VMO1: variants seen among roughly 807,000 people sequenced by gnomAD.
VMO1 encodes vitelline membrane outer layer protein 1 homolog.
A neutral mutation model predicts 10.1 loss-of-function variants in VMO1; 13 were observed. The observed-to-expected ratio is 1.29, with a 90% confidence interval of 0.84 to 2.05. VMO1 has a LOEUF of 2.05. VMO1 is among the 30% of genes most tolerant of loss of function. VMO1 has a pLI of 0.00. For synonymous variants in VMO1, 117 were observed against 122.2 expected (o/e 0.96, Z 0.28); for missense variants, 304 against 276.9 (o/e 1.10, Z -0.70).
In VMO1 at chr17:4,786,308, A is replaced by AAGCAGC. The variant is rs780684668; in HGVS notation, c.39_44dup (p.Leu15_Leu16dup). On this transcript the variant is annotated inframe_insertion, in exon 1 of 3. Transcript: ENST00000328739. ...CACATGTGAAACCAGTCGCCCGCAG[A>AAGCAGC]AGCAGCAGCAGCGGCAGCAGCTTGG... 2 of 1,604,424 alleles carry AAGCAGC rather than the reference A, an allele frequency of 1.2e-6. No homozygotes were observed. The highest frequency in any genetic ancestry group is 2.7e-5 in the African/African-American group (2 of 74,934).
intron 1 of VMO1, 46 bp from the exon 2 acceptor site, chr17:4,786,098 C>T (rs1917482426): frequency 6.2e-7 from 1 of 1,613,466 alleles, no homozygotes; most frequent in Non-Finnish European, 8.5e-7. Flanking sequence ...GAATTATCAT[C>T]CTTGGCTCTA....
rs991893715 is a variant in VMO1, at chr17:4,785,963, C to A, written c.285G>T (p.Thr95=). 6.2e-7 allele frequency: 1 copy of A among 1,614,136 alleles called. No homozygotes were observed. Among genetic ancestry groups the A allele is most frequent in the South Asian group, 1.1e-5 (1 of 91,074 alleles). ...TTCCAGACTGGGACTCTACCACGTG[C>A]GTATTGCCTAGGACGTTCCCGCGCG... is the stretch of plus-strand genomic sequence containing the variant. ...HCARGNVLGN[T]HVVESQSGSW... The change falls in exon 2 of 3, where the codon ACG becomes ACT. Residue 95 remains threonine (T), a synonymous_variant. Transcript: ENST00000328739.
rs759321553 is a variant in VMO1 at position 4,785,313 on chromosome 17, G to A, written c.*49C>T. On this transcript the variant is annotated 3_prime_UTR_variant, in exon 3 of 3. Transcript: ENST00000328739. ...ACTCAGAGAAGCTTTAATAGCAAGA[G>A]GTGGGACTAGCCTCCTGGCCCGGGA... 6.4e-7 allele frequency: 1 copy of A among 1,551,356 alleles called. No individual in the cohort carries two copies. Among genetic ancestry groups the A allele is most frequent in the Non-Finnish European group, 8.7e-7 (1 of 1,152,642 alleles).
chr17:4,786,108 A>T (rs551399334), intron 1 of VMO1, 50 bp downstream of exon 1: 2 of 1,612,674 alleles, frequency 1.2e-6, no homozygotes, highest in South Asian at 2.2e-5. Flanking sequence ...CCTTGGCTCT[A>T]TGGTCCCACG....
chr17:4,785,922 A>G lies in VMO1; in HGVS notation c.311+15T>C. The G allele has an allele frequency of 6.2e-7, 1 of 1,613,934 alleles. No homozygotes were observed. The highest frequency in any genetic ancestry group is 8.5e-7 in the Non-Finnish European group (1 of 1,179,982). ...ATACCATCACCCCAAGGGATCCTCG[A>G]CCCCTGCGCCCCACCTTCCAGACTG... is the stretch of plus-strand genomic sequence containing the variant. On this transcript the variant is annotated intron_variant, in intron 2 of 2. Transcript: ENST00000328739.
At position 4,786,161 on chromosome 17, in the gene VMO1, G is replaced by A. The variant is rs760494198; in HGVS notation, c.192C>T (p.Leu64=). 11 of 1,603,024 alleles carry A rather than the reference G, an allele frequency of 6.9e-6. No homozygotes were observed. Among genetic ancestry groups the A allele is most frequent in the Admixed American group, 3.4e-5 (2 of 59,506 alleles). The change falls in exon 1 of 3, where the codon CTC becomes CTT. Residue 64 remains leucine, a synonymous_variant. Transcript: ENST00000328739. ...PDGFFASGFS[L]KVEPPQGIPG... ...GGACCTACGCCTGAGCCCCAACCTT[G>A]AGCGAGAACCCGCTGGCGAAGAATC...
At position 4,785,334 on chromosome 17, in the gene VMO1, C is replaced by G. The variant is rs562567490; in HGVS notation, c.*28G>C. ...AAGAGGTGGGACTAGCCTCCTGGCC[C>G]GGGAGAGAGCGGCGGCGGCGGCGCC... is the stretch of plus-strand genomic sequence containing the variant. On this transcript the variant is annotated 3_prime_UTR_variant, in exon 3 of 3. Transcript: ENST00000328739. 6 of 1,589,092 alleles carry G rather than the reference C, an allele frequency of 3.8e-6. No homozygotes were observed. The Admixed American group carries it at 5.2e-5, about 14-fold the overall frequency.
chr17:4,786,319 G>C lies in VMO1; in HGVS notation c.34C>G (p.Leu12Val), dbSNP rs754321499. Residue 12 changes from leucine (L) to valine (V), a missense_variant, in exon 1 of 3, where the codon CTG becomes GTG. Coordinates refer to ENST00000328739, the MANE Select transcript of VMO1 (RefSeq NM_182566.3). ...CCAGTCGCCCGCAGAAGCAGCAGCA[G>C]CGGCAGCAGCTTGGCTCCTGCGCCC... ...ERGAGAKLLPLLLLLRATGFT... is the reference protein window; with the variant it reads ...ERGAGAKLLPVLLLLRATGFT... 6.3e-7 allele frequency: 1 copy of C among 1,597,284 alleles called. No individual in the cohort carries two copies. The highest frequency in any genetic ancestry group is 1.1e-5 in the South Asian group (1 of 90,048).
Position 4,786,247 on chromosome 17 carries a change from T to C in VMO1, c.106A>G (p.Ile36Val), listed in dbSNP as rs1038787217. Residue 36 changes from isoleucine to valine, a missense_variant, in exon 1 of 3, where the codon ATC becomes GTC. Transcript: ENST00000328739. ...TDGRNGYTAV[I>V]EVTSGGPWGD... Reference sequence around the variant, plus strand: ...CAGGGACCCCCGCTGGTCACTTCGATGACCGCCGTGTAGCCGTTCCGGCCA... The same window carrying C: ...CAGGGACCCCCGCTGGTCACTTCGACGACCGCCGTGTAGCCGTTCCGGCCA... The C allele has an allele frequency of 8.7e-6, 14 of 1,612,254 alleles. No homozygotes were observed. The Admixed American group carries it at 1.3e-4, about 15-fold the overall frequency.
At chr17:4,785,892 G>A (rs777436059) in intron 2 of VMO1, 45 bp downstream of exon 2, 3 of 1,586,860 alleles carry the variant, frequency 1.9e-6, no homozygotes, top group South Asian at 1.1e-5. Context: ...TAGAGGGTAA[G>A]GGACATACCA....
Position 4,785,303 on chromosome 17 carries a change from A to T in VMO1, c.*59T>A. On this transcript the variant is annotated 3_prime_UTR_variant, in exon 3 of 3. Transcript: ENST00000328739. ...ACCAAAGTCAACTCAGAGAAGCTTT[A>T]ATAGCAAGAGGTGGGACTAGCCTCC... The T allele has an allele frequency of 6.5e-7, 1 of 1,530,530 alleles. No individual in the cohort carries two copies. Among genetic ancestry groups the T allele is most frequent in the Non-Finnish European group, 8.7e-7 (1 of 1,144,704 alleles). The allele number at this position is 1,530,530 out of a possible 1,614,324, so 94.8% of individuals were successfully genotyped here.
chr17:4,785,828 T>C, intron 2 of VMO1, 109 bp downstream of exon 2: 1 of 1,563,534 alleles, frequency 6.4e-7, no homozygotes, highest in South Asian at 1.1e-5. Context: ...CCCCGGTCTA[T>C]ACTGCCCCGT....
intron 2 of VMO1, 36 bp downstream of exon 2, chr17:4,785,901 C>G: frequency 6.7e-7 from 1 of 1,503,596 alleles, no homozygotes; most frequent in Middle Eastern, 1.7e-4. Flanking sequence ...AGGGACATAC[C>G]ATCACCCCAA....
Position 4,785,972 on chromosome 17 carries a change from T to C in VMO1, c.276A>G (p.Leu92=), listed in dbSNP as rs1261717767. The change falls in exon 2 of 3, where the codon CTA becomes CTG. Residue 92 remains leucine (L), a synonymous_variant. Coordinates refer to ENST00000328739, the MANE Select transcript of VMO1 (RefSeq NM_182566.3). ...GGGACTCTACCACGTGCGTATTGCC[T>C]AGGACGTTCCCGCGCGCGCAGTGCA... ...IRLHCARGNV[L]GNTHVVESQS... 1 of 1,614,142 alleles carries C rather than the reference T, an allele frequency of 6.2e-7. No homozygotes were observed. The highest frequency in any genetic ancestry group is 8.5e-7 in the Non-Finnish European group (1 of 1,180,030).
At position 4,785,571 on chromosome 17, in the gene VMO1, C is replaced by T; in HGVS notation, c.400G>A (p.Gly134Ser). ...SLRVEAPTTL[G>S]DNTAANNVRF... ...ACGTTGTTCGCTGCTGTGTTGTCAC[C>T]GAGGGTCGTGGGTGCCTCCACGCGA... The change falls in exon 3 of 3, where the codon GGT becomes AGT. Residue 134 changes from glycine to serine, a missense_variant. Physicochemically the swap from Gly to Ser is moderately conservative, Grantham distance 56. Coordinates refer to ENST00000328739, the MANE Select transcript of VMO1 (RefSeq NM_182566.3). 1 of 1,614,000 alleles carries T rather than the reference C, an allele frequency of 6.2e-7. No homozygotes were observed. Among genetic ancestry groups the T allele is most frequent in the East Asian group, 2.2e-5 (1 of 44,886 alleles).
At position 4,786,231 on chromosome 17, in the gene VMO1, C is replaced by T. The variant is rs1917488940; in HGVS notation, c.122G>A (p.Gly41Glu). 2 of 1,612,558 alleles carry T rather than the reference C, an allele frequency of 1.2e-6. No homozygotes were observed. The highest frequency in any genetic ancestry group is 2.7e-5 in the African/African-American group (2 of 75,050). The change falls in exon 1 of 3, where the codon GGG becomes GAG. Residue 41 changes from glycine (G) to glutamate (E), a missense_variant. Gly to Glu is a moderately conservative substitution (Grantham distance 98). Coordinates refer to ENST00000328739, the MANE Select transcript of VMO1 (RefSeq NM_182566.3). ...CCAGGCCCAGTCGCCCCAGGGACCC[C>T]CGCTGGTCACTTCGATGACCGCCGT... is the stretch of plus-strand genomic sequence containing the variant. ...GYTAVIEVTS[G>E]GPWGDWAWPE... is the part of the protein sequence containing the mutation.
At position 4,785,332 on chromosome 17, in the gene VMO1, C is replaced by A. The variant is rs767292563; in HGVS notation, c.*30G>T. On this transcript the variant is annotated 3_prime_UTR_variant, in exon 3 of 3. Coordinates refer to ENST00000328739, the MANE Select transcript of VMO1 (RefSeq NM_182566.3). ...GCAAGAGGTGGGACTAGCCTCCTGG[C>A]CCGGGAGAGAGCGGCGGCGGCGGCG... The A allele has an allele frequency of 6.3e-7, 1 of 1,588,420 alleles. No individual in the cohort carries two copies. Among genetic ancestry groups the A allele is most frequent in the South Asian group, 1.1e-5 (1 of 88,292 alleles).
At chr17:4,785,833 C>T in intron 2 of VMO1, 104 bp downstream of exon 2, 1 of 1,567,242 alleles carries the variant, frequency 6.4e-7, no homozygotes, top group East Asian at 2.4e-5. Context: ...GTCTATACTG[C>T]CCCGTAGCTC....
chr17:4,786,175 T>G lies in VMO1; in HGVS notation c.178A>C (p.Ser60Arg). Residue 60 changes from serine to arginine, a missense_variant, in exon 1 of 3, where the codon AGC becomes CGC. Physicochemically the swap from Ser to Arg is moderately radical, Grantham distance 110. Coordinates refer to ENST00000328739, the MANE Select transcript of VMO1 (RefSeq NM_182566.3). The part of the protein sequence containing the change: ...PEMCPDGFFA[S>R]GFSLKVEPPQ... ...GCCCCAACCTTGAGCGAGAACCCGC[T>G]GGCGAAGAATCCATCGGGACACATC... 2 of 1,602,100 alleles carry G rather than the reference T, an allele frequency of 1.2e-6. No homozygotes were observed. The highest frequency in any genetic ancestry group is 1.7e-6 in the Non-Finnish European group (2 of 1,171,430).
Sources: allele counts gnomAD v4.1 joint callset, GRCh38; gene constraint gnomAD v4.1.1; transcripts MANE v1.5; gene names NCBI Gene and HGNC (gene_info 2026-07-23, HGNC 2026-07-21).